The following PPFIA2 variants were observed in gnomAD, a reference collection of about 807,000 sequenced individuals.
PPFIA2 encodes liprin-alpha-2.
In PPFIA2, 46 loss-of-function variants were observed where a neutral mutation model predicts 175.5. That is an observed-to-expected ratio of 0.26 (90% CI 0.21 to 0.34). The LOEUF (loss-of-function observed/expected upper bound fraction) is 0.34, where lower values mean the gene tolerates loss of function less well. Among genes scored for constraint, PPFIA2 ranks in the 10% least tolerant of loss-of-function variants. The pLI, the probability that PPFIA2 is intolerant of heterozygous loss-of-function variation, is 1.00. For missense variants in PPFIA2, 1,179 were observed against 1,506.1 expected (o/e 0.78, Z 3.60); for synonymous variants, 568 against 511.4 (o/e 1.11, Z -1.49).
intron 4 of PPFIA2, among the ~76,000 whole-genome samples, chr12:81,508,810 T>C (rs1460973928): frequency 8.7e-6 from 1 of 114,564 alleles, no homozygotes; most frequent in Non-Finnish European, 1.7e-5. Flanking sequence ...TTCCCCTTCC[T>C]GTGTCCATGT....
chr12:81,311,846 G>T (rs1393274279), intron 22 of PPFIA2, among the ~76,000 whole-genome samples: 1 of 152,006 alleles, frequency 6.6e-6, no homozygotes, highest in East Asian at 1.9e-4. Flanking sequence ...GAGCCTGGCT[G>T]CTTGCCACAT....
intron 8 of PPFIA2, among the ~76,000 whole-genome samples, chr12:81,389,920 G>A (rs894411672): frequency 6.6e-6 from 1 of 151,980 alleles, no homozygotes; most frequent in Admixed American, 6.6e-5. Flanking sequence ...ACCCTTAGTG[G>A]AAATCTTATA....
chr12:81,675,080 C>T (rs1303506442), intron 4 of PPFIA2, among the ~76,000 whole-genome samples: 3 of 151,712 alleles, frequency 2.0e-5, no homozygotes, highest in African/African-American at 7.3e-5. Flanking sequence ...ATAAAATAAC[C>T]ATCATGGTAT....
intron 4 of PPFIA2, among the ~76,000 whole-genome samples, chr12:81,558,400 T>C (rs2069270650): frequency 6.6e-6 from 1 of 152,168 alleles, no homozygotes; most frequent in African/African-American, 2.4e-5. Context: ...AACTATATTT[T>C]CATACACATT....
intron 4 of PPFIA2, among the ~76,000 whole-genome samples, chr12:81,556,664 C>A (rs1004569712): frequency 2.0e-5 from 3 of 151,560 alleles, no homozygotes; most frequent in Non-Finnish European, 4.4e-5. Context: ...ATATCTACCC[C>A]CTACATTAAC....
chr12:81,646,751 A>T (rs1468502655), intron 4 of PPFIA2, among the ~76,000 whole-genome samples: 1 of 152,132 alleles, frequency 6.6e-6, no homozygotes, highest in East Asian at 1.9e-4. Context: ...CTCAAACTCC[A>T]AGTTACTGGC....
chr12:81,421,763 A>G (rs1183854586), intron 7 of PPFIA2, among the ~76,000 whole-genome samples: 1 of 151,966 alleles, frequency 6.6e-6, no homozygotes, highest in Non-Finnish European at 1.5e-5. Context: ...GATTTAAAGG[A>G]AAAAAATAAT....
At chr12:81,658,295 G>A (rs144912010) in intron 4 of PPFIA2, among the ~76,000 whole-genome samples, 18 of 111,786 alleles carry the variant, frequency 1.6e-4, no homozygotes, top group South Asian at 2.9e-4. Flanking sequence ...GAAAAGAAAA[G>A]AAAAAAAAAA....
intron 3 of PPFIA2, among the ~76,000 whole-genome samples, chr12:81,697,044 T>C (rs547659601): frequency 6.6e-6 from 1 of 152,232 alleles, no homozygotes; most frequent in South Asian, 2.1e-4. Context: ...ATTGTTGAAA[T>C]GAATCATAGA....
At chr12:81,302,800 C>A in intron 22 of PPFIA2, 1 of 362,052 alleles carries the variant, frequency 2.8e-6, no homozygotes, top group Non-Finnish European at 5.6e-6. Context: ...CGGCACCATA[C>A]AAAATTTATA....
chr12:81,448,074 A>G (rs1417017626), intron 5 of PPFIA2, among the ~76,000 whole-genome samples: 1 of 152,124 alleles, frequency 6.6e-6, no homozygotes, highest in Non-Finnish European at 1.5e-5. Flanking sequence ...TCAGCATCCA[A>G]TTTTGCACAA....
At chr12:81,406,332 A>T (rs1335492766) in intron 7 of PPFIA2, among the ~76,000 whole-genome samples, 1 of 152,158 alleles carries the variant, frequency 6.6e-6, no homozygotes, top group Non-Finnish European at 1.5e-5. Context: ...AATTATGAGC[A>T]CAGCAATTTC....
chr12:81,418,705 G>C (rs1279083574), intron 7 of PPFIA2, among the ~76,000 whole-genome samples: 1 of 151,054 alleles, frequency 6.6e-6, no homozygotes, highest in Non-Finnish European at 1.5e-5. Context: ...ATCTCTTTAA[G>C]GAAAAAAAAA....
intron 4 of PPFIA2, among the ~76,000 whole-genome samples, chr12:81,526,256 G>A (rs2063719694): frequency 6.6e-6 from 1 of 152,178 alleles, no homozygotes; most frequent in Non-Finnish European, 1.5e-5. Flanking sequence ...GCCAGAAACA[G>A]AGTGGTCTTT....
chr12:81,301,594 G>A (rs2047857928), intron 22 of PPFIA2, among the ~76,000 whole-genome samples: 1 of 152,092 alleles, frequency 6.6e-6, no homozygotes, highest in African/African-American at 2.4e-5. Flanking sequence ...ATCACTTCCT[G>A]TCTCACTGGA....
At chr12:81,691,675 A>T (rs2075263235) in intron 3 of PPFIA2, among the ~76,000 whole-genome samples, 1 of 152,086 alleles carries the variant, frequency 6.6e-6, no homozygotes, top group Non-Finnish European at 1.5e-5. Context: ...GCATTTGCCA[A>T]GTGTCTTTCA....
chr12:81,290,465 A>G (rs2044629068), intron 24 of PPFIA2, among the ~76,000 whole-genome samples: 1 of 151,850 alleles, frequency 6.6e-6, no homozygotes, highest in Admixed American at 6.6e-5. Context: ...AGATACTTTT[A>G]AAGCCTAGAG....
chr12:81,681,759 G>C (rs1303864180), intron 3 of PPFIA2, among the ~76,000 whole-genome samples: 3 of 151,836 alleles, frequency 2.0e-5, no homozygotes, highest in Admixed American at 2.0e-4. Flanking sequence ...TCTCAGAGCT[G>C]TTGCTGGATT....
intron 3 of PPFIA2, among the ~76,000 whole-genome samples, chr12:81,721,474 C>T (rs2079329204): frequency 6.7e-6 from 1 of 149,648 alleles, no homozygotes; most frequent in Non-Finnish European, 1.5e-5. Flanking sequence ...CACACACAAA[C>T]ATACACACAC....
Sources: gnomAD v4.1 joint callset for allele counts (sites outside exome capture counted in the v4.1 genomes callset) on GRCh38, gnomAD v4.1.1 for gene constraint, MANE v1.5 for transcripts, NCBI Gene and HGNC (gene_info 2026-07-23, HGNC 2026-07-21) for gene names.